NOP53: variants seen among roughly 807,000 people sequenced by gnomAD.
The protein encoded by NOP53 is NOP53 ribosome biogenesis factor.
In NOP53, 40 loss-of-function variants were observed where a neutral mutation model predicts 61.0. The observed-to-expected ratio is 0.66, with a 90% confidence interval of 0.51 to 0.85. The LOEUF (loss-of-function observed/expected upper bound fraction) is 0.85. NOP53 is among the 40% of genes least tolerant of loss of function. NOP53 has a pLI of 0.00. For missense variants in NOP53, 689 were observed against 652.9 expected (o/e 1.06, Z -0.60); for synonymous variants, 308 against 289.5 (o/e 1.06, Z -0.65).
intron 2 of NOP53, among the ~76,000 whole-genome samples, chr19:47,749,054 A>G (rs1337644637): frequency 2.0e-5 from 3 of 150,980 alleles, no homozygotes; most frequent in Non-Finnish European, 4.4e-5. Flanking sequence ...CCAGCTACTC[A>G]GGAGGCTGAG....
intron 2 of NOP53, among the ~76,000 whole-genome samples, chr19:47,747,279 T>C (rs1568597676): frequency 6.6e-6 from 1 of 152,080 alleles, no homozygotes; most frequent in Non-Finnish European, 1.5e-5. Flanking sequence ...GAGTCTGCCT[T>C]GATGAATAAG....
At chr19:47,756,174 C>T (rs187764726) in intron 10 of NOP53, 1 of 511,524 alleles carries the variant, frequency 2.0e-6, no homozygotes, top group Admixed American at 3.3e-5. Flanking sequence ...CCCAGCTCCT[C>T]TGTCAGCCAC....
chr19:47,753,842 A>C (rs1208406624), intron 6 of NOP53: 1 of 152,134 alleles, frequency 6.6e-6, no homozygotes, highest in African/African-American at 2.4e-5. Flanking sequence ...CCATCCCCGC[A>C]GTCAATTTTA....
rs11538667 is a variant in NOP53 at position 47,756,533 on chromosome 19, G to A, written c.1302G>A (p.Glu434=). The stretch of plus-strand genomic sequence containing the variant: ...CCTCCCTCTCTGTCCTGTAGCCCGA[G>A]GGCAACATCCTTCGAGACCGGTTCA... ...LTDSLRTLKP[E]GNILRDRFKS... The change falls in exon 11 of 13, where the codon GAG becomes GAA. Residue 434 remains glutamate (E), a synonymous_variant. Coordinates refer to ENST00000246802, the MANE Select transcript of NOP53 (RefSeq NM_015710.5). The A allele has an allele frequency of 6.2e-7, 1 of 1,613,834 alleles. No homozygotes were observed. The highest frequency in any genetic ancestry group is 1.1e-5 in the South Asian group (1 of 91,080).
chr19:47,754,823 G>A lies in NOP53; in HGVS notation c.985G>A (p.Ala329Thr), dbSNP rs758927975. The A allele has an allele frequency of 2.5e-5, 38 of 1,534,880 alleles. No homozygotes were observed. The East Asian group carries it at 3.5e-4, about 14-fold the overall frequency. Residue 329 changes from alanine to threonine, a missense_variant, in exon 8 of 13, where the codon GCC (alanine) becomes ACC (threonine). Physicochemically the swap from Ala to Thr is moderately conservative, Grantham distance 58. Coordinates refer to ENST00000246802, the MANE Select transcript of NOP53 (RefSeq NM_015710.5). The surrounding 1 kb of genome is among the most constrained non-coding windows in gnomAD (Gnocchi z 4.2). ...AGDAEVCPTP[A>T]RLATTEKKTE... Reference sequence around the variant, plus strand: ...GGATGCCGAGGTCTGTCCCACGCCCGCCCGCCTGGCCACCACAGAGAAGAA... The same window carrying A: ...GGATGCCGAGGTCTGTCCCACGCCCACCCGCCTGGCCACCACAGAGAAGAA...
In NOP53 at chr19:47,745,785, T is replaced by C. The variant is rs1967054457; in HGVS notation, c.224+2T>C. 6.5e-7 allele frequency: 1 copy of C among 1,531,152 alleles called. No homozygotes were observed. The highest frequency in any genetic ancestry group is 1.4e-5 in the African/African-American group (1 of 71,220). The allele number at this position is 1,531,152 out of a possible 1,614,324, so 94.8% of individuals were successfully genotyped here. On this transcript the variant is annotated splice_donor_variant, in intron 1 of 12. Coordinates refer to ENST00000246802, the MANE Select transcript of NOP53 (RefSeq NM_015710.5). LOFTEE classifies it high-confidence loss of function. Reference sequence around the variant, plus strand: ...GCGGCTACAGGAGCGCACGAGCGGGTACGTTGGGCGGGACTTCCGGGAGGT... The same window carrying C: ...GCGGCTACAGGAGCGCACGAGCGGGCACGTTGGGCGGGACTTCCGGGAGGT...
chr19:47,756,293 G>A (rs1330313083), intron 10 of NOP53: 13 of 577,698 alleles, frequency 2.3e-5, no homozygotes, highest in East Asian at 1.1e-4. Context: ...TTTCTGTGTC[G>A]TCACCAGCCC....
At chr19:47,747,511 G>A (rs1003024730) in intron 2 of NOP53, among the ~76,000 whole-genome samples, 10 of 151,930 alleles carry the variant, frequency 6.6e-5, no homozygotes, top group Non-Finnish European at 1.3e-4. Flanking sequence ...TTGTGGTGGC[G>A]GGCACCTGTA....
At chr19:47,746,838 G>A (rs1053932993) in intron 1 of NOP53, 129 bp from the exon 2 acceptor site, 3 of 726,714 alleles carry the variant, frequency 4.1e-6, no homozygotes, top group Admixed American at 5.0e-5. Flanking sequence ...AAACTGCTGG[G>A]CGAAGCCTTA....
Position 47,757,044 on chromosome 19 carries a change from A to T in NOP53, c.*39A>T. 3 of 1,612,122 alleles carry T rather than the reference A, an allele frequency of 1.9e-6. No homozygotes were observed. The highest frequency in any genetic ancestry group is 2.5e-6 in the Non-Finnish European group (3 of 1,178,326). ...CCGGAGACTCGCCCTTCAATAAAAA[A>T]TCTCTTCTAGCTGATCAGTGGGCTC... On this transcript the variant is annotated 3_prime_UTR_variant, in exon 13 of 13. Transcript: ENST00000246802.
chr19:47,754,261 G>T lies in NOP53; in HGVS notation c.766-266G>T. 4 of 459,198 alleles carry T rather than the reference G, an allele frequency of 8.7e-6. No homozygotes were observed. Among genetic ancestry groups the T allele is most frequent in the East Asian group, 3.4e-5 (1 of 29,066 alleles). The allele number at this position is 459,198 out of a possible 1,614,324, so 28.4% of individuals were successfully genotyped here. Reference sequence around the variant, plus strand: ...CATTGCACTCCAGTCTGGGCAACAAGACAGAAACTCTATCTCAAAAAAAAA... The same window carrying T: ...CATTGCACTCCAGTCTGGGCAACAATACAGAAACTCTATCTCAAAAAAAAA... On this transcript the variant is annotated intron_variant, in intron 6 of 12. Transcript: ENST00000246802. The surrounding 1 kb of genome is among the most constrained non-coding windows in gnomAD (Gnocchi z 4.2).
Position 47,752,565 on chromosome 19 carries a change from G to A in NOP53, c.723G>A (p.Ala241=), listed in dbSNP as rs1419391427. ...CCCAGGCACCCGCCGTGGAGGTGGC[G>A]CCTGCCGGAGCTTCCTACAATCCAT... is the stretch of plus-strand genomic sequence containing the variant. The part of the protein sequence containing the change: ...KPSQAPAVEV[A]PAGASYNPSF... The change falls in exon 6 of 13, where the codon GCG becomes GCA. Residue 241 remains alanine, a synonymous_variant. Coordinates refer to ENST00000246802, the MANE Select transcript of NOP53 (RefSeq NM_015710.5). The A allele has an allele frequency of 1.9e-6, 3 of 1,611,044 alleles. No individual in the cohort carries two copies. The highest frequency in any genetic ancestry group is 2.5e-6 in the Non-Finnish European group (3 of 1,178,532).
chr19:47,747,453 C>G (rs923170860), intron 2 of NOP53, among the ~76,000 whole-genome samples: 1 of 151,946 alleles, frequency 6.6e-6, no homozygotes, highest in Non-Finnish European at 1.5e-5. Flanking sequence ...ACCAGCCTGG[C>G]CAAGATGGTG....
At position 47,755,538 on chromosome 19, in the gene NOP53, G is replaced by T; in HGVS notation, c.1229+15G>T. The T allele has an allele frequency of 6.8e-7, 1 of 1,463,144 alleles. No homozygotes were observed. 90.6% of individuals were successfully genotyped at this position (1,463,144 alleles called of 1,614,324 possible). A position where few individuals can be genotyped will look rare whatever the true frequency, so the allele number is the denominator to read the frequency against. On this transcript the variant is annotated intron_variant, in intron 9 of 12. Coordinates refer to ENST00000246802, the MANE Select transcript of NOP53 (RefSeq NM_015710.5). Reference sequence around the variant, plus strand: ...GGGCGGCTCAAGTGAGAACCAGGCCGGGGGTTCTGGGAGAGGCTGGGGAGG... The same window carrying T: ...GGGCGGCTCAAGTGAGAACCAGGCCTGGGGTTCTGGGAGAGGCTGGGGAGG...
chr19:47,749,554 A>T (rs1967100646), intron 2 of NOP53, among the ~76,000 whole-genome samples: 1 of 151,932 alleles, frequency 6.6e-6, no homozygotes, highest in South Asian at 2.1e-4. Context: ...TCCATTCTAG[A>T]GTGTTTTGCT....
At chr19:47,752,843 C>T (rs564422279) in intron 6 of NOP53, 107 of 504,706 alleles carry the variant, frequency 2.1e-4, no homozygotes, top group Non-Finnish European at 2.4e-4. Flanking sequence ...GAAGGGCTCC[C>T]GGGAGGAGGG....
At chr19:47,745,845 G>C (rs936778724) in intron 1 of NOP53, 62 bp downstream of exon 1, 4 of 752,686 alleles carry the variant, frequency 5.3e-6, no homozygotes, top group Non-Finnish European at 7.1e-6. Context: ...AAGGCCAGGC[G>C]TGCTTGCGTG....
chr19:47,755,620 C>G (rs1410813144), intron 9 of NOP53, 97 bp downstream of exon 9: 8 of 1,349,624 alleles, frequency 5.9e-6, no homozygotes, highest in South Asian at 5.6e-5. Context: ...TGCCCACCCC[C>G]CCCATCGGGA....
At chr19:47,745,938 A>G (rs1291068660) in intron 1 of NOP53, 155 bp downstream of exon 1, 1 of 596,428 alleles carries the variant, frequency 1.7e-6, no homozygotes, top group Admixed American at 3.5e-5. Context: ...GAGCATGGGC[A>G]GGGGACTCAG....
Sources: gnomAD v4.1 joint callset for allele counts (sites outside exome capture counted in the v4.1 genomes callset) on GRCh38, gnomAD v4.1.1 for gene constraint, Gnocchi (gnomAD v3.1) non-coding constraint, MANE v1.5 for transcripts, NCBI Gene and HGNC (gene_info 2026-07-23, HGNC 2026-07-21) for gene names.